Variants in ADGRB2 observed in about 807,000 individuals in gnomAD.
ADGRB2 encodes adhesion G protein-coupled receptor B2, also known as brain-specific angiogenesis inhibitor 2.
Under a neutral mutation model 178.7 loss-of-function variants are expected in ADGRB2, and 47 were observed. The observed-to-expected ratio is 0.26, with a 90% CI of 0.21 to 0.34. The LOEUF (loss-of-function observed/expected upper bound fraction) is 0.34. Among genes scored for constraint, ADGRB2 ranks in the 10% least tolerant of loss-of-function variants. The probability of loss-of-function intolerance (pLI) is 1.00; values close to 1 mark genes in which losing one functional copy is unlikely to be tolerated. For synonymous variants in ADGRB2, 870 were observed against 912.4 expected, an observed-to-expected ratio of 0.95 and a Z score of 0.84; for missense variants, 1,584 against 2,180.8, an observed-to-expected ratio of 0.73 and a Z score of 5.45.
rs767644881 is a variant in ADGRB2 at position 31,730,968 on chromosome 1, C to T, written c.4212G>A (p.Ser1404=). 8.9e-6 allele frequency: 14 copies of T among 1,564,988 alleles called. No homozygotes were observed. The highest frequency in any genetic ancestry group is 1.2e-5 in the South Asian group (1 of 84,180). The part of the protein sequence containing the change: ...GYPSFLSVDH[S]GLGLGPAYGS... ...CATAGGCAGGGCCCAGCCCCAGGCC[C>T]GAGTGGTCCACGGACAGGAAGCTGG... Residue 1404 remains serine, a synonymous_variant, in exon 29 of 33, where the codon TCG becomes TCA. Coordinates refer to ENST00000373658, the MANE Select transcript of ADGRB2 (RefSeq NM_001364857.2).
rs1325016000 is a variant in ADGRB2 at position 31,733,251 on chromosome 1, G to A, written c.3453-108C>T. 2 of 1,279,082 alleles carry A rather than the reference G, an allele frequency of 1.6e-6. No individual in the cohort carries two copies. The highest frequency in any genetic ancestry group is 1.4e-5 in the South Asian group (1 of 69,404). The allele number at this position is 1,279,082 out of a possible 1,614,324, so 79.2% of individuals were successfully genotyped here. A position where few individuals can be genotyped will look rare whatever the true frequency, so the allele number is the denominator to read the frequency against. On this transcript the variant is annotated intron_variant, in intron 25 of 32. Transcript: ENST00000373658. The surrounding 1 kb of genome is among the most constrained non-coding windows in gnomAD (Gnocchi z 4.3). ...CTCTTCAGCTGCCCAAGACTGGGAG[G>A]GCCCCAAACCCCAGGGCCTCAGTAA...
At chr1:31,739,285 A>G (rs1645802611) in intron 15 of ADGRB2, 23 bp downstream of exon 15, 2 of 1,443,958 alleles carry the variant, frequency 1.4e-6, no homozygotes, top group East Asian at 5.1e-5. Context: ...CAGCAGCCCC[A>G]GCCACCCATC....
rs1646692490 is a variant in ADGRB2, at chr1:31,753,661, G to A, written c.838+2338C>T. On this transcript the variant is annotated intron_variant, in intron 4 of 32. Coordinates refer to ENST00000373658, the MANE Select transcript of ADGRB2 (RefSeq NM_001364857.2). The surrounding 1 kb of genome is among the most constrained non-coding windows in gnomAD (Gnocchi z 4.1). The stretch of plus-strand genomic sequence containing the variant: ...CATTCTCCTGCAGCCCAGTGGGGAG[G>A]AGACAAGGGGAGGAATGGAGGGGGC... 6.6e-6 allele frequency among the ~76,000 whole-genome samples: 1 copy of A among 152,258 alleles called. No individual in the cohort carries two copies. Among genetic ancestry groups the A allele is most frequent in the African/African-American group, 2.4e-5 (1 of 41,466 alleles).
In ADGRB2 at chr1:31,728,024, CG is replaced by C; in HGVS notation, c.4572del (p.Asp1525IlefsTer26). The C allele has an allele frequency of 2.6e-6, 4 of 1,563,782 alleles. No individual in the cohort carries two copies. Among genetic ancestry groups the C allele is most frequent in the Non-Finnish European group, 3.5e-6 (4 of 1,159,172 alleles). On this transcript the variant is annotated frameshift_variant and splice_region_variant, in exon 32 of 33. Coordinates refer to ENST00000373658, the MANE Select transcript of ADGRB2 (RefSeq NM_001364857.2). LOFTEE classifies it high-confidence loss of function. The surrounding 1 kb of genome is among the most constrained non-coding windows in gnomAD (Gnocchi z 6.7). Reference protein sequence around the residue: ...SGGAAERSVCTDKPSPGERPS... With the variant: ...SGGAAERSVCXDKPSPGERPS... ...ACCCCACCCAGCCCGGGGGGACTCA[CG>C]GTGCACACGCTCCGCTCGGCTGCCC...
intron 27 of ADGRB2, 23 bp downstream of exon 27, chr1:31,732,494 C>T: frequency 1.9e-6 from 3 of 1,613,076 alleles, no homozygotes; most frequent in Non-Finnish European, 2.5e-6. Flanking sequence ...TCTGCCCAGG[C>T]CCTGCCCAGG....
At position 31,754,229 on chromosome 1, in the gene ADGRB2, G is replaced by A. The variant is rs571749196; in HGVS notation, c.838+1770C>T. 3.9e-5 allele frequency among the ~76,000 whole-genome samples: 6 copies of A among 152,342 alleles called. No individual in the cohort carries two copies. In the East Asian group the frequency reaches 9.6e-4, roughly 24 times the overall value. On this transcript the variant is annotated intron_variant, in intron 4 of 32. Coordinates refer to ENST00000373658, the MANE Select transcript of ADGRB2 (RefSeq NM_001364857.2). This position sits in a 1 kb window ranked among gnomAD's most constrained non-coding sequence, Gnocchi z 5.7. ...CAGCTACCAACCAACTCCTGCTTCCGGCTTCAACCAAGCCCAGCTGGCTGC... is the reference window on the plus strand; with the variant it reads ...CAGCTACCAACCAACTCCTGCTTCCAGCTTCAACCAAGCCCAGCTGGCTGC...
chr1:31,755,379 G>A lies in ADGRB2; in HGVS notation c.838+620C>T, dbSNP rs1407790377. Among the ~76,000 whole-genome samples the A allele has an allele frequency of 6.6e-6, 1 of 152,162 alleles. No homozygotes were observed. The highest frequency in any genetic ancestry group is 2.4e-5 in the African/African-American group (1 of 41,420). On this transcript the variant is annotated intron_variant, in intron 4 of 32. Transcript: ENST00000373658. The surrounding 1 kb of genome is among the most constrained non-coding windows in gnomAD (Gnocchi z 5.1). ...GCGGCCTCGGTCCCAGAAGACATGG[G>A]TCCTGAGGGGGAAGACGGGACACTG...
chr1:31,738,629 C>A lies in ADGRB2; in HGVS notation c.2603G>T (p.Gly868Val), dbSNP rs202245577. 6.2e-7 allele frequency: 1 copy of A among 1,612,170 alleles called. No individual in the cohort carries two copies. The highest frequency in any genetic ancestry group is 8.5e-7 in the Non-Finnish European group (1 of 1,179,158). ...ITVELSYIINGTTDPHCASWD... is the reference protein window; with the variant it reads ...ITVELSYIINVTTDPHCASWD... ...GCTGGCGCAATGGGGATCCGTGGTC[C>A]CCTGGGGAGCAAAAGACATGAGTGC... The change falls in exon 17 of 33, where the codon GGG becomes GTG. Residue 868 changes from glycine (G) to valine (V), a missense_variant and splice_region_variant. Coordinates refer to ENST00000373658, the MANE Select transcript of ADGRB2 (RefSeq NM_001364857.2).
At chr1:31,739,806 G>T in intron 14 of ADGRB2, 120 bp downstream of exon 14, 1 of 1,205,388 alleles carries the variant, frequency 8.3e-7, no homozygotes, top group Non-Finnish European at 1.2e-6. Flanking sequence ...ACCACACATA[G>T]ATGAAGGAGA....
rs1450659752 is a variant in ADGRB2, at chr1:31,730,953, G to A, written c.4227C>T (p.Gly1409=). The A allele has an allele frequency of 1.9e-6, 3 of 1,569,144 alleles. No homozygotes were observed. Among genetic ancestry groups the A allele is most frequent in the African/African-American group, 2.7e-5 (2 of 73,664 alleles). ...LSVDHSGLGL[G]PAYGSLQNPY... is the part of the protein sequence containing the mutation. ...GATTCTGGAGAGATCCATAGGCAGG[G>A]CCCAGCCCCAGGCCCGAGTGGTCCA... Residue 1409 remains glycine (G), a synonymous_variant, in exon 29 of 33, where the codon GGC becomes GGT. Coordinates refer to ENST00000373658, the MANE Select transcript of ADGRB2 (RefSeq NM_001364857.2).
Position 31,740,627 on chromosome 1 carries a change from C to T in ADGRB2, c.1795-86G>A. 7.3e-7 allele frequency: 1 copy of T among 1,378,888 alleles called. No individual in the cohort carries two copies. The allele number at this position is 1,378,888 out of a possible 1,614,324, so 85.4% of individuals were successfully genotyped here. A position where few individuals can be genotyped will look rare whatever the true frequency, so the allele number is the denominator to read the frequency against. ...CCATCCCACTCCAGTCCACCCACTG[C>T]TTGCATCCACGGGGAGAGAAAGGGG... On this transcript the variant is annotated intron_variant, in intron 11 of 32. Coordinates refer to ENST00000373658, the MANE Select transcript of ADGRB2 (RefSeq NM_001364857.2). The surrounding 1 kb of genome is among the most constrained non-coding windows in gnomAD (Gnocchi z 5.9).
intron 1 of ADGRB2, 110 bp from the exon 2 acceptor site, chr1:31,757,621 CT>C (rs1202141180): frequency 9.1e-6 from 2 of 220,748 alleles, no homozygotes; most frequent in Admixed American, 1.0e-4. Context: ...GTTTTCTCAT[CT>C]GTAAAATGGG....
At chr1:31,732,199 T>C (rs1645322927) in intron 27 of ADGRB2, 45 bp from the exon 28 acceptor site, 1 of 1,612,660 alleles carries the variant, frequency 6.2e-7, no homozygotes, top group South Asian at 1.1e-5. Flanking sequence ...GGAGGATTAA[T>C]GTATCAGGGT....
chr1:31,746,744 C>T (rs553190400), intron 4 of ADGRB2, among the ~76,000 whole-genome samples: 11 of 152,332 alleles, frequency 7.2e-5, no homozygotes, highest in Non-Finnish European at 2.9e-5. Context: ...CTTCTCCCCA[C>T]AAAGGCCAGC....
Position 31,756,519 on chromosome 1 carries a change from G to A in ADGRB2, c.318C>T (p.Asn106=). Residue 106 remains asparagine (N), a synonymous_variant, in exon 4 of 33, where the codon AAC becomes AAT. Coordinates refer to ENST00000373658, the MANE Select transcript of ADGRB2 (RefSeq NM_001364857.2). The surrounding 1 kb of genome is among the most constrained non-coding windows in gnomAD (Gnocchi z 8.5). ...RLLPLDHYLV[N]FTCLRPSPEE... The stretch of plus-strand genomic sequence containing the variant: ...CGGGGCTAGGCCGCAGGCAGGTAAA[G>A]TTGACCAGGTAGTGGTCCAGGGGCA... The A allele has an allele frequency of 1.2e-6, 2 of 1,613,280 alleles. No homozygotes were observed. The highest frequency in any genetic ancestry group is 1.7e-6 in the Non-Finnish European group (2 of 1,179,720).
rs551791306 is a variant in ADGRB2, at chr1:31,740,288, G to A, written c.1989+59C>T. 8.1e-6 allele frequency: 13 copies of A among 1,603,808 alleles called. No individual in the cohort carries two copies. Among genetic ancestry groups the A allele is most frequent in the South Asian group, 7.8e-5 (7 of 90,308 alleles). On this transcript the variant is annotated intron_variant, in intron 12 of 32. Transcript: ENST00000373658. The surrounding 1 kb of genome is among the most constrained non-coding windows in gnomAD (Gnocchi z 5.9). ...ACAGCAGACTCTGCCTAGGGGCCTG[G>A]CCTCCCGCTTCAGTTTGGGCCTTCT...
At position 31,727,210 on chromosome 1, in the gene ADGRB2, G is replaced by T; in HGVS notation, c.*210C>A. ...AGGCTGGGCTGAAGATGGGGTTCCA[G>T]TGGCTGAGGGGCCTCTGAGAAACAA... is the stretch of plus-strand genomic sequence containing the variant. On this transcript the variant is annotated 3_prime_UTR_variant, in exon 33 of 33. Transcript: ENST00000373658. This position sits in a 1 kb window ranked among gnomAD's most constrained non-coding sequence, Gnocchi z 4.4. 1.9e-6 allele frequency: 1 copy of T among 531,056 alleles called. No homozygotes were observed. The highest frequency in any genetic ancestry group is 3.1e-6 in the Non-Finnish European group (1 of 317,680). The allele number at this position is 531,056 out of a possible 1,614,324, so 32.9% of individuals were successfully genotyped here.
In ADGRB2 at chr1:31,728,534, G is replaced by A. The variant is rs1645113750; in HGVS notation, c.4416+64C>T. 2 of 1,606,912 alleles carry A rather than the reference G, an allele frequency of 1.2e-6. No individual in the cohort carries two copies. The highest frequency in any genetic ancestry group is 1.7e-5 in the Admixed American group (1 of 60,004). On this transcript the variant is annotated intron_variant, in intron 30 of 32. Transcript: ENST00000373658. This position sits in a 1 kb window ranked among gnomAD's most constrained non-coding sequence, Gnocchi z 6.7. Reference sequence around the variant, plus strand: ...CAGAGCTTGGACTACTTTTAGGAGTGAGCCCTCCAGGGACAGACACCACAG... The same window carrying A: ...CAGAGCTTGGACTACTTTTAGGAGTAAGCCCTCCAGGGACAGACACCACAG...
intron 7 of ADGRB2, 128 bp from the exon 8 acceptor site, chr1:31,742,345 G>A: frequency 7.7e-7 from 1 of 1,297,860 alleles, no homozygotes; most frequent in Non-Finnish European, 1.0e-6. Context: ...ACCCACTGGA[G>A]TGGGGAGGGG....
Sources: allele counts gnomAD v4.1 joint callset (sites outside exome capture counted in the v4.1 genomes callset), GRCh38; gene constraint gnomAD v4.1.1; non-coding constraint Gnocchi (gnomAD v3.1); transcripts MANE v1.5; gene names NCBI Gene and HGNC (gene_info 2026-07-23, HGNC 2026-07-21).